ATP8A2: variants seen among roughly 807,000 people sequenced by gnomAD.
The protein encoded by ATP8A2 is ATPase phospholipid transporting 8A2.
In ATP8A2, 100 loss-of-function variants were observed where a neutral mutation model predicts 165.6. The ratio of observed to expected loss-of-function variants is 0.60; its 90% confidence interval spans 0.51 to 0.71. The LOEUF (loss-of-function observed/expected upper bound fraction) is 0.71. ATP8A2 is among the 30% of genes least tolerant of loss of function. ATP8A2 has a pLI of 0.00. For missense variants in ATP8A2, 1,227 were observed against 1,479.5 expected (o/e 0.83, Z 2.80); for synonymous variants, 543 against 548.8 (o/e 0.99, Z 0.15).
At chr13:25,482,901 CTCTT>C (rs1490252279) in intron 2 of ATP8A2, among the ~76,000 whole-genome samples, 5 of 152,294 alleles carry the variant, frequency 3.3e-5, no homozygotes, top group African/African-American at 9.6e-5. Flanking sequence ...CCAATTAAAC[CTCTT>C]TCTTTTGTAA....
intron 34 of ATP8A2, among the ~76,000 whole-genome samples, chr13:25,965,790 C>G (rs150064426): frequency 6.0e-4 from 91 of 152,234 alleles, no homozygotes; most frequent in African/African-American, 2.1e-3. Flanking sequence ...ACAATACAGT[C>G]CCCGATTCCA....
At chr13:25,943,782 G>T (rs945693708) in intron 33 of ATP8A2, among the ~76,000 whole-genome samples, 3 of 152,168 alleles carry the variant, frequency 2.0e-5, no homozygotes, top group African/African-American at 7.2e-5. Flanking sequence ...ATCAAACCTG[G>T]CTGCCTGTGT....
rs138379129 is a variant in ATP8A2, at chr13:25,442,441, T to C, written c.77-26536T>C. The stretch of plus-strand genomic sequence containing the variant: ...CTGTTTGTTTTTCTTTTTGACAGAG[T>C]CTTGCTCTGTCACCCACGTTGAAGT... On this transcript the variant is annotated intron_variant, in intron 1 of 36. Transcript: ENST00000381655. Among the ~76,000 whole-genome samples, 843 of 152,246 alleles carry C rather than the reference T, an allele frequency of 5.5e-3. 7 individuals are homozygous for C. The highest frequency in any genetic ancestry group is 0.019 in the African/African-American group (798 of 41,550).
intron 34 of ATP8A2, 83 bp from the exon 35 acceptor site, chr13:25,968,492 G>A (rs1955834465): frequency 1.6e-6 from 2 of 1,217,520 alleles, no homozygotes; most frequent in African/African-American, 3.0e-5. Flanking sequence ...ATTTGGCTGT[G>A]GCCTGAGAGG....
chr13:25,605,793 G>GA (rs2040501496), intron 24 of ATP8A2, among the ~76,000 whole-genome samples: 4 of 151,906 alleles, frequency 2.6e-5, no homozygotes, highest in South Asian at 4.2e-4. Flanking sequence ...TCTTACTTTT[G>GA]GACATTGAGG....
At chr13:25,472,408 A>ATAT (rs1192451003) in intron 2 of ATP8A2, among the ~76,000 whole-genome samples, 7 of 151,302 alleles carry the variant, frequency 4.6e-5, no homozygotes, top group South Asian at 2.1e-4. Flanking sequence ...AAAAAAAAAA[A>ATAT]AAATTGATTA....
At chr13:25,799,340 C>CCT (rs1950568635) in intron 27 of ATP8A2, among the ~76,000 whole-genome samples, 1 of 152,154 alleles carries the variant, frequency 6.6e-6, no homozygotes, top group Admixed American at 6.5e-5. Context: ...AGTTTCACCT[C>CCT]CTGCCTTTAA....
Position 25,372,991 on chromosome 13 carries a change from C to T in ATP8A2, c.76+703C>T, listed in dbSNP as rs553510034. Among the ~76,000 whole-genome samples the T allele has an allele frequency of 6.6e-6, 1 of 152,330 alleles. No homozygotes were observed. Among genetic ancestry groups the T allele is most frequent in the South Asian group, 2.1e-4 (1 of 4,830 alleles). On this transcript the variant is annotated intron_variant, in intron 1 of 36. Transcript: ENST00000381655. This position sits in a 1 kb window ranked among gnomAD's most constrained non-coding sequence, Gnocchi z 4.8. ...AACCTAAAGCCAAACACGCATGTAC[C>T]ATACCCGACCACTCACACTGTTAGA...
At chr13:25,469,852 G>A (rs1407877477) in intron 2 of ATP8A2, among the ~76,000 whole-genome samples, 1 of 152,170 alleles carries the variant, frequency 6.6e-6, no homozygotes, top group African/African-American at 2.4e-5. Context: ...TTTTTCTGCT[G>A]TGCAAAGCTA....
chr13:25,544,767 A>G (rs1280023693), intron 10 of ATP8A2, among the ~76,000 whole-genome samples: 1 of 152,094 alleles, frequency 6.6e-6, no homozygotes, highest in African/African-American at 2.4e-5. Context: ...AGATGCGATA[A>G]TGATGAAGCT....
chr13:25,469,186 C>G (rs1327900989), intron 2 of ATP8A2, 65 bp downstream of exon 2: 8 of 1,572,820 alleles, frequency 5.1e-6, no homozygotes, highest in Non-Finnish European at 5.2e-6. Context: ...GGCTCGTCCT[C>G]CTGCGCGGGG....
chr13:25,513,812 T>C (rs939515947), intron 2 of ATP8A2, among the ~76,000 whole-genome samples: 4 of 152,032 alleles, frequency 2.6e-5, no homozygotes, highest in Non-Finnish European at 5.9e-5. Context: ...CAAAAACCAG[T>C]CAGGCGTGGC....
chr13:25,666,723 C>A (rs1344902929), intron 24 of ATP8A2, among the ~76,000 whole-genome samples: 3 of 152,082 alleles, frequency 2.0e-5, no homozygotes, highest in African/African-American at 7.2e-5. Flanking sequence ...GGCATTATGA[C>A]AACTGTATAT....
intron 2 of ATP8A2, among the ~76,000 whole-genome samples, chr13:25,493,582 G>T (rs942991858): frequency 6.6e-5 from 10 of 152,220 alleles, no homozygotes; most frequent in African/African-American, 2.2e-4. Flanking sequence ...TCATCACGTT[G>T]ATCTTGCAGA....
At chr13:25,741,823 G>T (rs1379814768) in intron 25 of ATP8A2, among the ~76,000 whole-genome samples, 1 of 152,194 alleles carries the variant, frequency 6.6e-6, no homozygotes, top group Non-Finnish European at 1.5e-5. Context: ...GGCAGTATCT[G>T]CCCCTTTTAG....
intron 1 of ATP8A2, among the ~76,000 whole-genome samples, chr13:25,382,977 C>T (rs6491045): frequency 5.9e-5 from 9 of 151,730 alleles, no homozygotes; most frequent in East Asian, 3.9e-4. Flanking sequence ...GGATGGTCTC[C>T]ATCTCCTGAC....
intron 33 of ATP8A2, among the ~76,000 whole-genome samples, chr13:25,882,119 C>T (rs1025420869): frequency 6.6e-6 from 1 of 152,166 alleles, no homozygotes; most frequent in African/African-American, 2.4e-5. Context: ...TCCCGCAGGG[C>T]TCAGGCAGGA....
chr13:25,654,894 T>C (rs2041893238), intron 24 of ATP8A2, among the ~76,000 whole-genome samples: 1 of 152,226 alleles, frequency 6.6e-6, no homozygotes. Flanking sequence ...TTGGGATATC[T>C]GTTGGCATTC....
rs1350799252 is a variant in ATP8A2, at chr13:25,750,890, G to T, written c.2385-18156G>T. Among the ~76,000 whole-genome samples the T allele has an allele frequency of 6.6e-6, 1 of 152,158 alleles. No homozygotes were observed. The highest frequency in any genetic ancestry group is 1.5e-5 in the Non-Finnish European group (1 of 68,022). The stretch of plus-strand genomic sequence containing the variant: ...ATAGCCATGTTTAAAGCCTGAGATT[G>T]TGTTGTTCTCTGTCCAGGGTCCAAC... On this transcript the variant is annotated intron_variant, in intron 25 of 36. Transcript: ENST00000381655. The surrounding 1 kb of genome is among the most constrained non-coding windows in gnomAD (Gnocchi z 4.3).
Sources: allele counts gnomAD v4.1 joint callset (sites outside exome capture counted in the v4.1 genomes callset), GRCh38; gene constraint gnomAD v4.1.1; non-coding constraint Gnocchi (gnomAD v3.1); transcripts MANE v1.5; gene names NCBI Gene and HGNC (gene_info 2026-07-23, HGNC 2026-07-21).